ST6GALNAC6: variants seen among roughly 807,000 people sequenced by gnomAD.
The protein encoded by ST6GALNAC6 is alpha-N-acetylgalactosaminide alpha-2,6-sialyltransferase 6.
A neutral mutation model predicts 34.3 loss-of-function variants in ST6GALNAC6; 19 were observed. The ratio of observed to expected loss-of-function variants is 0.55; its 90% CI spans 0.39 to 0.81. The LOEUF is 0.81. Ranked by LOEUF, ST6GALNAC6 falls within the 40% of genes least tolerant of loss-of-function variation. ST6GALNAC6 has a pLI of 0.00. For missense variants in ST6GALNAC6, 377 were observed against 467.7 expected (o/e 0.81, Z 1.79); for synonymous variants, 185 against 182.1 (o/e 1.02, Z -0.13).
In ST6GALNAC6 at chr9:127,887,225, T is replaced by C. The variant is rs527695023; in HGVS notation, c.812+259A>G. Among the ~76,000 whole-genome samples the C allele has an allele frequency of 3.9e-5, 6 of 152,174 alleles. No homozygotes were observed. In the South Asian group the frequency reaches 8.3e-4, roughly 21 times the overall value. ...TGCTTGGTACCTGGTCAGTATTCAG[T>C]AAAGTATAGCTGTCCCCTAGTGGGC... On this transcript the variant is annotated intron_variant, in intron 6 of 6. Transcript: ENST00000373146.
At chr9:127,901,881 G>A (rs540767670), upstream of ST6GALNAC6, among the ~76,000 whole-genome samples, 1 of 150,428 alleles carries the variant, frequency 6.6e-6, no homozygotes, top group Non-Finnish European at 1.5e-5. Flanking sequence ...TGCAGTGACC[G>A]AGATCGTGCC....
At chr9:127,892,565 C>T (rs1388380513) in intron 4 of ST6GALNAC6, among the ~76,000 whole-genome samples, 1 of 152,200 alleles carries the variant, frequency 6.6e-6, no homozygotes, top group Non-Finnish European at 1.5e-5. Flanking sequence ...TGTCTCACCC[C>T]CCGCACACCT....
chr9:127,899,607 G>T (rs1189264257), upstream of ST6GALNAC6: 20 of 981,962 alleles, frequency 2.0e-5, no homozygotes, highest in South Asian at 2.8e-4. Flanking sequence ...AGGCCTCGCC[G>T]CACCCGCGGC....
At chr9:127,903,480 T>C (rs1461558787), upstream of ST6GALNAC6, 4 of 152,150 alleles carry the variant, frequency 2.6e-5, no homozygotes, top group African/African-American at 9.7e-5. Flanking sequence ...GCACTGTACT[T>C]ATATGGGAAG....
At chr9:127,905,566 T>C (rs1027077362), upstream of ST6GALNAC6, 19 of 405,256 alleles carry the variant, frequency 4.7e-5, no homozygotes, top group African/African-American at 4.1e-4. Context: ...CACTGGGCCT[T>C]GGACACCCAG....
intron 4 of ST6GALNAC6, among the ~76,000 whole-genome samples, chr9:127,892,035 C>T (rs562436506): frequency 6.6e-6 from 1 of 152,284 alleles, no homozygotes; most frequent in Admixed American, 6.5e-5. Context: ...CCTGTAATCC[C>T]AGTTACTCGG....
At chr9:127,891,073 C>A in intron 4 of ST6GALNAC6, 30 bp from the exon 5 acceptor site, 1 of 1,608,208 alleles carries the variant, frequency 6.2e-7, no homozygotes, top group South Asian at 1.1e-5. Context: ...AACATTATCA[C>A]GGCCACTCTG....
intron 2 of ST6GALNAC6, chr9:127,896,794 TCCTCCAA>T (rs1422106301): frequency 1.1e-6 from 1 of 927,748 alleles, no homozygotes; most frequent in Non-Finnish European, 1.3e-6. Context: ...CTCCCACTCA[TCCTCCAA>T]GCCTGGCATG....
rs1169973033 is a variant in ST6GALNAC6, at chr9:127,896,148, C to T, written c.117+94G>A. 7 of 1,398,496 alleles carry T rather than the reference C, an allele frequency of 5.0e-6. No homozygotes were observed. In the Admixed American group the frequency reaches 5.1e-5, roughly 10 times the overall value. The allele number at this position is 1,398,496 out of a possible 1,614,324, so 86.6% of individuals were successfully genotyped here. A position where few individuals can be genotyped will look rare whatever the true frequency, so the allele number is the denominator to read the frequency against. On this transcript the variant is annotated intron_variant, in intron 3 of 6. Coordinates refer to ENST00000373146, the MANE Select transcript of ST6GALNAC6 (RefSeq NM_013443.5). ...AGCTTCTTGCGGGGAAGAAGAGACT[C>T]GTGGTGGCTGGGGTCTGAGACAGGT...
chr9:127,894,796 A>G (rs1380344781), intron 3 of ST6GALNAC6, 105 bp from the exon 4 acceptor site: 16 of 1,341,656 alleles, frequency 1.2e-5, no homozygotes, highest in Admixed American at 4.0e-5. Context: ...TTTGTTGCAG[A>G]CCAGGTCAGG....
At chr9:127,898,938 G>A (rs956410804) in intron 1 of ST6GALNAC6, among the ~76,000 whole-genome samples, 1 of 152,190 alleles carries the variant, frequency 6.6e-6, no homozygotes, top group Non-Finnish European at 1.5e-5. Flanking sequence ...CAGGAGCATG[G>A]ACTCAGCCCA....
At chr9:127,906,393 C>T (rs1267558085), upstream of ST6GALNAC6, among the ~76,000 whole-genome samples, 1 of 152,036 alleles carries the variant, frequency 6.6e-6, no homozygotes, top group African/African-American at 2.4e-5. Flanking sequence ...GGCCCTGGCC[C>T]AGTCCTCTGA....
intron 1 of ST6GALNAC6, 125 bp from the exon 2 acceptor site, chr9:127,898,135 C>T (rs1588658511): frequency 4.6e-6 from 3 of 648,092 alleles, no homozygotes; most frequent in East Asian, 5.5e-5. Context: ...TGGCTCACGT[C>T]TGTAATCCCA....
intron 5 of ST6GALNAC6, among the ~76,000 whole-genome samples, chr9:127,888,136 G>A (rs556240515): frequency 1.1e-4 from 17 of 152,250 alleles, no homozygotes; most frequent in Non-Finnish European, 2.2e-4. Context: ...GAGGCCAGGC[G>A]TGGTGGTTCA....
upstream of ST6GALNAC6, chr9:127,905,999 T>A (rs2094333): frequency 0.89 from 874,373 of 985,398 alleles, 392,131 homozygotes; most frequent in Non-Finnish European, 0.91. Context: ...GCCTGCTCCT[T>A]GCTTCGCCAG....
At chr9:127,901,037 GT>G (rs1184707025), upstream of ST6GALNAC6, among the ~76,000 whole-genome samples, 1 of 135,070 alleles carries the variant, frequency 7.4e-6, no homozygotes, top group Non-Finnish European at 1.6e-5. Flanking sequence ...TGGAAACAAA[GT>G]TGTAAACATT....
chr9:127,894,967 G>C (rs1830364524), intron 3 of ST6GALNAC6, among the ~76,000 whole-genome samples: 1 of 152,184 alleles, frequency 6.6e-6, no homozygotes, highest in South Asian at 2.1e-4. Flanking sequence ...GCAGGGCCTG[G>C]AACATGGAAG....
intron 4 of ST6GALNAC6, among the ~76,000 whole-genome samples, chr9:127,892,507 T>C (rs1206182295): frequency 2.6e-5 from 4 of 152,190 alleles, no homozygotes; most frequent in African/African-American, 4.8e-5. Context: ...AGATGCATGA[T>C]TGCCTGCATA....
intron 2 of ST6GALNAC6, 146 bp from the exon 3 acceptor site, chr9:127,896,478 C>G: frequency 1.4e-6 from 1 of 691,862 alleles, no homozygotes. Context: ...GACGGAGACA[C>G]TGAGGGCCAG....
Sources: allele counts gnomAD v4.1 joint callset (sites outside exome capture counted in the v4.1 genomes callset), GRCh38; gene constraint gnomAD v4.1.1; transcripts MANE v1.5; gene names NCBI Gene and HGNC (gene_info 2026-07-23, HGNC 2026-07-21).